Variants in WWOX observed in about 807,000 individuals in gnomAD.
The protein encoded by WWOX is WW domain containing oxidoreductase, also known as WW domain-containing oxidoreductase.
WWOX carries 69 observed loss-of-function variants against 46.2 expected under a neutral mutation model. The observed-to-expected ratio is 1.49, with a 90% CI of 1.23 to 1.82. The LOEUF (loss-of-function observed/expected upper bound fraction) is 1.82. WWOX is among the 40% of genes most tolerant of loss of function. The pLI is 0.00. For missense variants in WWOX, 919 were observed against 542.6 expected (o/e 1.69, Z -6.89); for synonymous variants, 359 against 202.6 (o/e 1.77, Z -6.56).
At chr16:79,134,807 C>A (rs74035001) in intron 8 of WWOX, among the ~76,000 whole-genome samples, 11 of 152,160 alleles carry the variant, frequency 7.2e-5, no homozygotes, top group African/African-American at 2.4e-4. Context: ...TTGCCTGTTT[C>A]TTTTCATTTG....
At chr16:79,074,644 T>A (rs546082120) in intron 8 of WWOX, among the ~76,000 whole-genome samples, 1 of 151,984 alleles carries the variant, frequency 6.6e-6, no homozygotes, top group South Asian at 2.1e-4. Flanking sequence ...CCATGAGGAT[T>A]AGATGAGGTA....
At position 78,444,983 on chromosome 16, in the gene WWOX, GTTC is replaced by G. The variant is rs201080431; in HGVS notation, c.1056+12236_1056+12238del. 4.2e-3 allele frequency among the ~76,000 whole-genome samples: 640 copies of G among 152,246 alleles called. 8 individuals carry two copies. The highest frequency in any genetic ancestry group is 3.9e-3 in the Non-Finnish European group (268 of 68,024). ...CTACAGGTACCATTTAAGCTCCATA[GTTC>G]TTCTGTGTGTGTTTCGGATCCCAGG... is the stretch of plus-strand genomic sequence containing the variant. On this transcript the variant is annotated intron_variant, in intron 8 of 8. Coordinates refer to ENST00000566780, the MANE Select transcript of WWOX (RefSeq NM_016373.4).
intron 8 of WWOX, among the ~76,000 whole-genome samples, chr16:78,748,709 G>T (rs972451458): frequency 6.6e-6 from 1 of 152,236 alleles, no homozygotes; most frequent in South Asian, 2.1e-4. Flanking sequence ...CCGTGGCAAA[G>T]GGTTCCCTCA....
chr16:78,667,451 A>C (rs138673341), intron 8 of WWOX, among the ~76,000 whole-genome samples: 2,082 of 152,184 alleles, frequency 0.014, 18 homozygotes, highest in Non-Finnish European at 0.018. Flanking sequence ...CGGGTGGATC[A>C]CAAGGTCAGG....
At chr16:78,795,795 A>G (rs532222046) in intron 8 of WWOX, among the ~76,000 whole-genome samples, 1 of 152,150 alleles carries the variant, frequency 6.6e-6, no homozygotes, top group Non-Finnish European at 1.5e-5. Flanking sequence ...GTCCTTGAGG[A>G]TGGAATGAGA....
At chr16:78,168,979 T>C (rs1291050999) in intron 5 of WWOX, among the ~76,000 whole-genome samples, 1 of 152,016 alleles carries the variant, frequency 6.6e-6, no homozygotes, top group Non-Finnish European at 1.5e-5. Context: ...AGTACAGAAG[T>C]AAACCACTGT....
At chr16:78,867,037 C>G (rs576671733) in intron 8 of WWOX, among the ~76,000 whole-genome samples, 4 of 152,132 alleles carry the variant, frequency 2.6e-5, no homozygotes, top group Admixed American at 2.0e-4. Flanking sequence ...TCCTTCTTGA[C>G]TTTGTGGAAG....
chr16:79,045,113 G>A (rs975655029), intron 8 of WWOX, among the ~76,000 whole-genome samples: 6 of 152,150 alleles, frequency 3.9e-5, no homozygotes, highest in East Asian at 1.9e-4. Flanking sequence ...TTAGGCATTC[G>A]TTCATTCATT....
intron 1 of WWOX, among the ~76,000 whole-genome samples, chr16:78,106,783 G>C (rs910676700): frequency 6.6e-6 from 1 of 152,136 alleles, no homozygotes; most frequent in Admixed American, 6.5e-5. Flanking sequence ...GTTTGTCCTT[G>C]CTACTGATAC....
At chr16:78,869,780 A>T (rs917876792) in intron 8 of WWOX, among the ~76,000 whole-genome samples, 5 of 152,220 alleles carry the variant, frequency 3.3e-5, no homozygotes, top group Non-Finnish European at 7.4e-5. Context: ...ATAGCCTCTT[A>T]GCAGAGCCAA....
chr16:79,046,788 C>T (rs1408953280), intron 8 of WWOX, among the ~76,000 whole-genome samples: 2 of 152,184 alleles, frequency 1.3e-5, no homozygotes, highest in Non-Finnish European at 2.9e-5. Flanking sequence ...CTTCACCCTG[C>T]TCTCTTTGTC....
At chr16:78,395,254 C>G (rs2082259702) in intron 6 of WWOX, among the ~76,000 whole-genome samples, 1 of 152,208 alleles carries the variant, frequency 6.6e-6, no homozygotes, top group Non-Finnish European at 1.5e-5. Context: ...TGTGATGTCT[C>G]ATGCCTGTTA....
At chr16:79,126,444 G>A (rs1478251524) in intron 8 of WWOX, among the ~76,000 whole-genome samples, 1 of 152,164 alleles carries the variant, frequency 6.6e-6, no homozygotes, top group Admixed American at 6.5e-5. Context: ...ATGCTAGTGA[G>A]TGAGTTGTCA....
At chr16:78,658,910 G>T (rs1180692247) in intron 8 of WWOX, among the ~76,000 whole-genome samples, 1 of 127,030 alleles carries the variant, frequency 7.9e-6, no homozygotes, top group African/African-American at 2.9e-5. Flanking sequence ...TGGCCAAAAT[G>T]GCAAAACCCC....
At chr16:78,217,811 T>C (rs2036771482) in intron 5 of WWOX, among the ~76,000 whole-genome samples, 1 of 151,596 alleles carries the variant, frequency 6.6e-6, no homozygotes, top group South Asian at 2.1e-4. Flanking sequence ...CCGTGGAGAC[T>C]CATCTTCTGC....
intron 8 of WWOX, among the ~76,000 whole-genome samples, chr16:78,956,211 C>T (rs904722744): frequency 2.0e-5 from 3 of 152,080 alleles, no homozygotes; most frequent in African/African-American, 7.2e-5. Flanking sequence ...AGTGGCACCA[C>T]CTCAGCTCAC....
chr16:78,971,056 T>C (rs1437725343), intron 8 of WWOX, among the ~76,000 whole-genome samples: 2 of 150,084 alleles, frequency 1.3e-5, no homozygotes, highest in Non-Finnish European at 3.0e-5. Flanking sequence ...TCCCAGGGTG[T>C]ATATATATAT....
At chr16:79,179,702 G>T (rs889164144) in intron 8 of WWOX, among the ~76,000 whole-genome samples, 1 of 152,176 alleles carries the variant, frequency 6.6e-6, no homozygotes, top group Non-Finnish European at 1.5e-5. Context: ...TCCTTCTTTA[G>T]TTGGGTATGG....
chr16:78,945,644 GA>G (rs2045934392), intron 8 of WWOX, among the ~76,000 whole-genome samples: 1 of 135,934 alleles, frequency 7.4e-6, no homozygotes, highest in Admixed American at 7.3e-5. Context: ...TATTTCTAAG[GA>G]TTTTTTTTTA....
Sources: gnomAD v4.1 joint callset for allele counts (sites outside exome capture counted in the v4.1 genomes callset) on GRCh38, gnomAD v4.1.1 for gene constraint, MANE v1.5 for transcripts, NCBI Gene and HGNC (gene_info 2026-07-23, HGNC 2026-07-21) for gene names.